The following MAP3K7CL variants were observed in gnomAD, a reference collection of about 807,000 sequenced individuals.
MAP3K7CL encodes the protein MAP3K7 C-terminal-like protein.
MAP3K7CL carries 16 observed loss-of-function variants against 18.6 expected under a neutral mutation model. The observed-to-expected ratio is 0.86, with a 90% CI of 0.58 to 1.31. MAP3K7CL has a LOEUF of 1.31. Among genes scored for constraint, MAP3K7CL ranks in the 50% most tolerant of loss-of-function variants. The pLI, the probability that MAP3K7CL is intolerant of heterozygous loss-of-function variation, is 0.00. For missense variants in MAP3K7CL, 163 were observed against 174.4 expected (o/e 0.93, Z 0.37); for synonymous variants, 65 against 66.8 (o/e 0.97, Z 0.13).
At chr21:29,105,492 G>A (rs1018010190) in intron 4 of MAP3K7CL, among the ~76,000 whole-genome samples, 1 of 152,186 alleles carries the variant, frequency 6.6e-6, no homozygotes, top group African/African-American at 2.4e-5. Context: ...TCCTAGTACT[G>A]TGTGATTAAT....
chr21:29,085,899 C>G, exon 1 of MAP3K7CL: 2 of 1,614,072 alleles, frequency 1.2e-6, no homozygotes, highest in Non-Finnish European at 1.7e-6. Flanking sequence ...TTATGTGGAA[C>G]GAGGCAGCAG....
intron 4 of MAP3K7CL, chr21:29,092,727 T>A: frequency 1.2e-6 from 1 of 813,484 alleles, no homozygotes; most frequent in African/African-American, 1.7e-5. Flanking sequence ...ACGTGCTGGG[T>A]GTTCTTCTAT....
rs1336667482 is a variant in MAP3K7CL, at chr21:29,174,887, T to C, written c.424T>C (p.Ser142Pro). ...RIQYQKRQGS[S>P] ...ACAGTATCAGAAGAGGCAGGGCTCG[T>C]CCTAACTTTAAATTTTTCAGTGTGA... Residue 142 changes from serine (S) to proline (P), a missense_variant, in exon 5 of 5, where the codon TCC (serine) becomes CCC (proline). Ser to Pro is a moderately conservative substitution (Grantham distance 74). Coordinates refer to ENST00000399928, the MANE Select transcript of MAP3K7CL (RefSeq NM_001286620.2). 6.2e-7 allele frequency: 1 copy of C among 1,613,556 alleles called. No individual in the cohort carries two copies. The highest frequency in any genetic ancestry group is 8.5e-7 in the Non-Finnish European group (1 of 1,179,744).
intron 4 of MAP3K7CL, among the ~76,000 whole-genome samples, chr21:29,161,160 A>G (rs577217752): frequency 2.6e-5 from 4 of 152,284 alleles, no homozygotes; most frequent in Non-Finnish European, 5.9e-5. Context: ...AAATACAAAA[A>G]TTAGCCGGGT....
intron 3 of MAP3K7CL, among the ~76,000 whole-genome samples, chr21:29,158,637 T>C (rs1168779501): frequency 6.6e-6 from 1 of 152,182 alleles, no homozygotes; most frequent in African/African-American, 2.4e-5. Context: ...GAAATAAATA[T>C]GACACCCACA....
intron 4 of MAP3K7CL, among the ~76,000 whole-genome samples, chr21:29,102,849 C>T (rs1188669230): frequency 1.3e-5 from 2 of 152,188 alleles, no homozygotes; most frequent in East Asian, 3.9e-4. Context: ...CTCAAGCAAC[C>T]CTATAGAGGG....
chr21:29,116,978 A>G (rs2146576750), intron 4 of MAP3K7CL, among the ~76,000 whole-genome samples: 1 of 152,290 alleles, frequency 6.6e-6, no homozygotes, highest in East Asian at 1.9e-4. Context: ...TTAATTTGGC[A>G]ACTGGTGAAA....
intron 4 of MAP3K7CL, among the ~76,000 whole-genome samples, chr21:29,113,311 C>T (rs1385363473): frequency 6.6e-6 from 1 of 152,136 alleles, no homozygotes; most frequent in Non-Finnish European, 1.5e-5. Context: ...TGGACCTCAA[C>T]GTGGCCTTCC....
chr21:29,121,055 G>GACCCTGTATCAAAAAAAGATATATATAT (rs58666252), intron 4 of MAP3K7CL, among the ~76,000 whole-genome samples: 1,608 of 121,048 alleles, frequency 0.013, 232 homozygotes, highest in African/African-American at 0.032. Flanking sequence ...AACAGAGTCA[G>GACCCTGTATCAAAAAAAGATATATATAT]ATATATATAT....
At chr21:29,124,304 A>G (rs187265418) in intron 4 of MAP3K7CL, among the ~76,000 whole-genome samples, 2 of 143,378 alleles carry the variant, frequency 1.4e-5, no homozygotes, top group East Asian at 4.3e-4. Flanking sequence ...AGGTGAGCCG[A>G]TATCGCGCCA....
chr21:29,093,154 T>G (rs2086059305), intron 4 of MAP3K7CL, among the ~76,000 whole-genome samples: 1 of 152,244 alleles, frequency 6.6e-6, no homozygotes, highest in Non-Finnish European at 1.5e-5. Flanking sequence ...TCCGCCCGCC[T>G]CGTCCTCCCA....
chr21:29,162,090 CA>C (rs1384696458), intron 4 of MAP3K7CL, among the ~76,000 whole-genome samples: 4 of 151,996 alleles, frequency 2.6e-5, no homozygotes, highest in Non-Finnish European at 5.9e-5. Flanking sequence ...TGGAGTCCTA[CA>C]AAAAATTTCA....
At chr21:29,146,711 T>C (rs181389826) in intron 2 of MAP3K7CL, among the ~76,000 whole-genome samples, 1 of 152,204 alleles carries the variant, frequency 6.6e-6, no homozygotes, top group Admixed American at 6.5e-5. Context: ...TAGGAGCAGA[T>C]ACAAAACAGA....
At chr21:29,165,928 A>C (rs544386689) in intron 4 of MAP3K7CL, among the ~76,000 whole-genome samples, 1 of 152,186 alleles carries the variant, frequency 6.6e-6, no homozygotes, top group Non-Finnish European at 1.5e-5. Context: ...TAATGTTTTC[A>C]TACATGGACA....
intron 3 of MAP3K7CL, among the ~76,000 whole-genome samples, chr21:29,091,999 T>C (rs1184814559): frequency 6.6e-6 from 1 of 152,218 alleles, no homozygotes; most frequent in African/African-American, 2.4e-5. Flanking sequence ...GCTAGAATAC[T>C]GCAGAGCTGG....
At chr21:29,113,431 A>G (rs1005105459) in intron 4 of MAP3K7CL, among the ~76,000 whole-genome samples, 4 of 152,032 alleles carry the variant, frequency 2.6e-5, no homozygotes, top group African/African-American at 9.7e-5. Flanking sequence ...GCCTTCCCCC[A>G]TCTCTCTTTC....
chr21:29,168,989 C>G (rs1268497410), intron 4 of MAP3K7CL, among the ~76,000 whole-genome samples: 1 of 152,174 alleles, frequency 6.6e-6, no homozygotes, highest in African/African-American at 2.4e-5. Context: ...TCTCCACTTC[C>G]TTTAGGTGGT....
At chr21:29,108,403 T>C (rs2086361340) in intron 4 of MAP3K7CL, among the ~76,000 whole-genome samples, 1 of 152,168 alleles carries the variant, frequency 6.6e-6, no homozygotes, top group South Asian at 2.1e-4. Flanking sequence ...GAGAAATAAA[T>C]TCCTGTTGTT....
intron 1 of MAP3K7CL, among the ~76,000 whole-genome samples, chr21:29,132,646 A>C (rs2086801393): frequency 6.6e-6 from 1 of 151,896 alleles, no homozygotes; most frequent in Admixed American, 6.6e-5. Context: ...AGTAGCTGGG[A>C]TTACAGGTGC....
Sources: gnomAD v4.1 joint callset for allele counts (sites outside exome capture counted in the v4.1 genomes callset) on GRCh38, gnomAD v4.1.1 for gene constraint, MANE v1.5 for transcripts, NCBI Gene and HGNC (gene_info 2026-07-23, HGNC 2026-07-21) for gene names.